Variants in KIF5C observed in about 807,000 individuals in gnomAD.
KIF5C encodes the protein kinesin family member 5C.
KIF5C carries 18 observed loss-of-function variants against 125.2 expected under a neutral mutation model. The observed-to-expected ratio is 0.14, with a 90% CI of 0.10 to 0.21. The LOEUF (loss-of-function observed/expected upper bound fraction) is 0.21. Ranked by LOEUF, KIF5C falls within the 10% of genes least tolerant of loss-of-function variation. KIF5C has a pLI of 1.00. For missense variants in KIF5C, 780 were observed against 1,183.8 expected (o/e 0.66, Z 5.01); for synonymous variants, 405 against 434.0 (o/e 0.93, Z 0.83).
intron 14 of KIF5C, among the ~76,000 whole-genome samples, chr2:148,983,202 G>A (rs1681284635): frequency 6.6e-6 from 1 of 152,172 alleles, no homozygotes. Flanking sequence ...TGGGAATATG[G>A]AGGTGGCCCA....
intron 1 of KIF5C, among the ~76,000 whole-genome samples, chr2:148,916,868 G>A (rs1681574874): frequency 6.6e-6 from 1 of 152,152 alleles, no homozygotes; most frequent in South Asian, 2.1e-4. Flanking sequence ...AGGTCTGGAT[G>A]CGAGGCACAC....
chr2:148,888,831 C>CT (rs1310017713), intron 1 of KIF5C: 4 of 151,268 alleles, frequency 2.6e-5, no homozygotes, highest in South Asian at 2.1e-4. Context: ...ACAGTTCTGC[C>CT]TTTTTTTCCT....
Position 148,991,084 on chromosome 2 carries a change from G to A in KIF5C, c.1791G>A (p.Glu597=), listed in dbSNP as rs1376473934. 10 of 1,613,724 alleles carry A rather than the reference G, an allele frequency of 6.2e-6. No homozygotes were observed. The highest frequency in any genetic ancestry group is 8.5e-7 in the Non-Finnish European group (1 of 1,179,838). The change falls in exon 16 of 26, where the codon GAG becomes GAA. Residue 597 remains glutamate, a synonymous_variant. Coordinates refer to ENST00000435030, the MANE Select transcript of KIF5C (RefSeq NM_004522.3). ...ARLYISKMKS[E]VKSLVNRSKQ... The stretch of plus-strand genomic sequence containing the variant: ...TGTACATCAGCAAGATGAAGTCAGA[G>A]GTCAAGTCCCTGGTGAACCGCAGCA...
chr2:149,018,108 G>A (rs1382645097), intron 25 of KIF5C, among the ~76,000 whole-genome samples: 1 of 152,072 alleles, frequency 6.6e-6, no homozygotes, highest in Non-Finnish European at 1.5e-5. Context: ...GGACAACTTA[G>A]CAAGACCTTG....
chr2:148,956,755 G>C (rs1682801228), intron 10 of KIF5C, among the ~76,000 whole-genome samples: 1 of 152,182 alleles, frequency 6.6e-6, no homozygotes, highest in Non-Finnish European at 1.5e-5. Flanking sequence ...ATTTTGCTCA[G>C]TTCCTGCTGC....
intron 4 of KIF5C, among the ~76,000 whole-genome samples, chr2:148,941,328 C>T (rs1194877668): frequency 6.6e-6 from 1 of 152,148 alleles, no homozygotes; most frequent in Non-Finnish European, 1.5e-5. Context: ...AGCCTAGAGT[C>T]CTCCTGTAAG....
intron 14 of KIF5C, 90 bp downstream of exon 14, chr2:148,981,651 G>A (rs1681240881): frequency 6.8e-7 from 1 of 1,461,352 alleles, no homozygotes; most frequent in Non-Finnish European, 9.1e-7. Context: ...GGTATAAGGA[G>A]GCAGTGGCTG....
intron 4 of KIF5C, among the ~76,000 whole-genome samples, chr2:148,941,305 T>C (rs1252069534): frequency 6.6e-6 from 1 of 152,226 alleles, no homozygotes; most frequent in Non-Finnish European, 1.5e-5. Flanking sequence ...TGCTTGGTGC[T>C]CATCTAACTT....
chr2:148,982,453 A>G (rs1681262305), intron 14 of KIF5C, among the ~76,000 whole-genome samples: 1 of 152,220 alleles, frequency 6.6e-6, no homozygotes, highest in Non-Finnish European at 1.5e-5. Context: ...CTTTGTGGAA[A>G]GCATCCAGTT....
chr2:149,018,301 A>G lies in KIF5C; in HGVS notation c.*8-4777A>G, dbSNP rs933571537. ...GAGATTCTACCTCAAAAATAAATAAACAAATAAAAACAAATACATGAAGAT... is the reference window on the plus strand; with the variant it reads ...GAGATTCTACCTCAAAAATAAATAAGCAAATAAAAACAAATACATGAAGAT... On this transcript the variant is annotated intron_variant, in intron 25 of 25. Coordinates refer to ENST00000435030, the MANE Select transcript of KIF5C (RefSeq NM_004522.3). Among the ~76,000 whole-genome samples, 7 of 152,252 alleles carry G rather than the reference A, an allele frequency of 4.6e-5. No homozygotes were observed. The East Asian group carries it at 1.4e-3, about 29-fold the overall frequency.
At chr2:148,951,525 C>G (rs1682658340) in intron 10 of KIF5C, among the ~76,000 whole-genome samples, 1 of 152,176 alleles carries the variant, frequency 6.6e-6, no homozygotes, top group South Asian at 2.1e-4. Flanking sequence ...TGTTTAGGTT[C>G]TATCCTTCAG....
At chr2:148,882,563 C>G (rs1413396350) in intron 1 of KIF5C, among the ~76,000 whole-genome samples, 1 of 152,196 alleles carries the variant, frequency 6.6e-6, no homozygotes, top group East Asian at 1.9e-4. Context: ...TCTGTTCCCC[C>G]TCAAGAAGAT....
At position 148,876,934 on chromosome 2, in the gene KIF5C, T is replaced by C. The variant is rs1041699584; in HGVS notation, c.126+1191T>C. ...GTGATGTCATCCTGATCACTGAGCA[T>C]GCTCCGACTAACCCCCTCCTCCCCT... On this transcript the variant is annotated intron_variant, in intron 1 of 25. Transcript: ENST00000435030. The surrounding 1 kb of genome is among the most constrained non-coding windows in gnomAD (Gnocchi z 4.7). 6.6e-6 allele frequency among the ~76,000 whole-genome samples: 1 copy of C among 152,212 alleles called. No homozygotes were observed. The highest frequency in any genetic ancestry group is 2.4e-5 in the African/African-American group (1 of 41,458).
At chr2:149,016,410 C>G (rs73011373) in intron 25 of KIF5C, among the ~76,000 whole-genome samples, 6,948 of 152,112 alleles carry the variant, frequency 0.046, 401 homozygotes, top group African/African-American at 0.13. Flanking sequence ...CGGTACCAGA[C>G]CCAGGTGGTG....
rs1169897629 is a variant in KIF5C, at chr2:148,973,388, G to A, written c.1170G>A (p.Leu390=). The A allele has an allele frequency of 6.2e-7, 1 of 1,613,738 alleles. No homozygotes were observed. Reference sequence around the variant, plus strand: ...TCAGTGCCAAGGACCAGAAGAACCTGGAGCCTTGTGATAACACCCCCATCA... The same window carrying A: ...TCAGTGCCAAGGACCAGAAGAACCTAGAGCCTTGTGATAACACCCCCATCA... ...EQISAKDQKN[L]EPCDNTPIID... Residue 390 remains leucine (L), a synonymous_variant, in exon 12 of 26, where the codon CTG becomes CTA. Transcript: ENST00000435030.
chr2:148,939,651 A>G (rs1574769772), intron 4 of KIF5C, among the ~76,000 whole-genome samples: 1 of 152,362 alleles, frequency 6.6e-6, no homozygotes, highest in Admixed American at 6.5e-5. Flanking sequence ...TCTGTGTTGC[A>G]TTTGTACTTA....
At chr2:148,887,364 AT>A (rs11285747) in intron 1 of KIF5C, among the ~76,000 whole-genome samples, 4,681 of 146,758 alleles carry the variant, frequency 0.032, 215 homozygotes, top group African/African-American at 0.1. Flanking sequence ...TGATATTCTG[AT>A]TTTTTTTTTT....
At position 149,010,555 on chromosome 2, in the gene KIF5C, G is replaced by A. The variant is rs1490346881; in HGVS notation, c.2767+204G>A. Among the ~76,000 whole-genome samples the A allele has an allele frequency of 2.0e-5, 3 of 152,382 alleles. No individual in the cohort carries two copies. In the East Asian group the frequency reaches 5.8e-4, roughly 29 times the overall value. On this transcript the variant is annotated intron_variant, in intron 24 of 25. Coordinates refer to ENST00000435030, the MANE Select transcript of KIF5C (RefSeq NM_004522.3). ...AGGCGCCCCCGTTATCCTACTCTGA[G>A]ATATTCCAGCATACATCGTGGTCTC...
chr2:148,959,084 C>T (rs116476066), intron 10 of KIF5C, among the ~76,000 whole-genome samples: 183 of 152,092 alleles, frequency 1.2e-3, no homozygotes, highest in Non-Finnish European at 2.0e-3. Context: ...TGTCTGGGAT[C>T]TCTCTGGAAC....
Sources: gnomAD v4.1 joint callset for allele counts (sites outside exome capture counted in the v4.1 genomes callset) on GRCh38, gnomAD v4.1.1 for gene constraint, Gnocchi (gnomAD v3.1) non-coding constraint, MANE v1.5 for transcripts, NCBI Gene and HGNC (gene_info 2026-07-23, HGNC 2026-07-21) for gene names.